Variants in SYNE2 observed in about 807,000 individuals in gnomAD.
The protein encoded by SYNE2 is nesprin-2.
SYNE2 carries 431 observed loss-of-function variants against 856.3 expected under a neutral mutation model. The ratio of observed to expected loss-of-function variants is 0.50; its 90% CI spans 0.47 to 0.55. The LOEUF is 0.55. SYNE2 is among the 20% of genes least tolerant of loss of function. SYNE2 has a pLI of 0.00. For missense variants in SYNE2, 8,129 were observed against 8,023.2 expected (o/e 1.01, Z -0.50); for synonymous variants, 2,923 against 2,872.3 (o/e 1.02, Z -0.56).
chr14:63,819,270 T>C (rs980013185), intron 1 of SYNE2, among the ~76,000 whole-genome samples: 2 of 152,098 alleles, frequency 1.3e-5, no homozygotes, highest in Non-Finnish European at 2.9e-5. Flanking sequence ...TTGCTCTTGT[T>C]GGCCAGGCCA....
chr14:63,951,727 T>G (rs1441321502), intron 7 of SYNE2, among the ~76,000 whole-genome samples: 3 of 152,236 alleles, frequency 2.0e-5, no homozygotes, highest in African/African-American at 7.2e-5. Context: ...CTAGAGATAA[T>G]TTGTACTCCA....
intron 51 of SYNE2, among the ~76,000 whole-genome samples, chr14:64,070,037 C>T (rs879689850): frequency 1.3e-5 from 2 of 152,156 alleles, no homozygotes; most frequent in Admixed American, 1.3e-4. Flanking sequence ...CTTTTTTCTA[C>T]ATCTTAGTTG....
intron 2 of SYNE2, among the ~76,000 whole-genome samples, chr14:63,918,445 C>T (rs1181899995): frequency 6.6e-6 from 1 of 152,182 alleles, no homozygotes; most frequent in Non-Finnish European, 1.5e-5. Flanking sequence ...CCACAGTTTA[C>T]TACCACCAGG....
chr14:63,794,026 G>C (rs1405182345), intron 1 of SYNE2, among the ~76,000 whole-genome samples: 1 of 152,034 alleles, frequency 6.6e-6, no homozygotes. Context: ...TACCAGGGTT[G>C]TTTGTGGAAA....
rs1230466164 is a variant in SYNE2, at chr14:64,208,742, T to A, written c.18202-16T>A. 3 of 1,614,146 alleles carry A rather than the reference T, an allele frequency of 1.9e-6. No individual in the cohort carries two copies. In the Admixed American group the frequency reaches 5.0e-5, roughly 27 times the overall value. On this transcript the variant is annotated splice_polypyrimidine_tract_variant and intron_variant, in intron 100 of 115. Coordinates refer to ENST00000555002, the MANE Select transcript of SYNE2 (RefSeq NM_182914.3). Reference sequence around the variant, plus strand: ...ACCAACATCTCAAGAGGTTTCTTACTCTGTTGTAATCACAGGATCTACAGC... The same window carrying A: ...ACCAACATCTCAAGAGGTTTCTTACACTGTTGTAATCACAGGATCTACAGC...
chr14:64,082,077 C>T (rs2097528568), intron 57 of SYNE2, among the ~76,000 whole-genome samples: 1 of 150,876 alleles, frequency 6.6e-6, no homozygotes, highest in Admixed American at 6.6e-5. Context: ...CAAAGCAAGA[C>T]TCCGTCTCAA....
chr14:64,218,136 A>G (rs947332862), intron 108 of SYNE2: 2 of 435,654 alleles, frequency 4.6e-6, no homozygotes, highest in Non-Finnish European at 8.6e-6. Context: ...ATGCCAATTG[A>G]AACAGACCCT....
chr14:64,037,524 T>A (rs1343648135), intron 45 of SYNE2, among the ~76,000 whole-genome samples: 1 of 152,046 alleles, frequency 6.6e-6, no homozygotes, highest in Non-Finnish European at 1.5e-5. Context: ...GTCTCCCATG[T>A]CTACTTCTTT....
At chr14:64,043,038 G>A (rs991965038) in intron 45 of SYNE2, among the ~76,000 whole-genome samples, 32 of 152,182 alleles carry the variant, frequency 2.1e-4, no homozygotes, top group African/African-American at 7.7e-4. Context: ...CCAGGCTGAG[G>A]TAGTTTCAGA....
intron 1 of SYNE2, among the ~76,000 whole-genome samples, chr14:63,785,424 C>T (rs1387042486): frequency 1.3e-5 from 2 of 152,056 alleles, no homozygotes; most frequent in Non-Finnish European, 2.9e-5. Context: ...TGCCACTGCA[C>T]TCCAGTCTGG....
rs2098386187 is a variant in SYNE2, at chr14:64,167,403, C to G, written c.16760+16C>G. On this transcript the variant is annotated intron_variant, in intron 91 of 115. Coordinates refer to ENST00000555002, the MANE Select transcript of SYNE2 (RefSeq NM_182914.3). ...AGCGCTGCAGGTTAGAACATCCCTT[C>G]TCTGTCGTTGTTTCAATTAAGGTAA... 1 of 1,614,130 alleles carries G rather than the reference C, an allele frequency of 6.2e-7. No homozygotes were observed. The highest frequency in any genetic ancestry group is 1.7e-5 in the Admixed American group (1 of 60,006).
chr14:64,169,583 T>G (rs2098400405), intron 93 of SYNE2, among the ~76,000 whole-genome samples: 1 of 152,214 alleles, frequency 6.6e-6, no homozygotes, highest in African/African-American at 2.4e-5. Context: ...TGGGTATGAT[T>G]TTTCTTCCAC....
At chr14:64,224,246 T>C (rs566461605) in intron 113 of SYNE2, among the ~76,000 whole-genome samples, 3 of 148,446 alleles carry the variant, frequency 2.0e-5, no homozygotes, top group Non-Finnish European at 4.4e-5. Flanking sequence ...TTCCAGCTAC[T>C]CAGGAGGCTG....
chr14:63,874,703 C>A (rs2094675397), intron 1 of SYNE2, among the ~76,000 whole-genome samples: 2 of 151,886 alleles, frequency 1.3e-5, no homozygotes, highest in Admixed American at 6.6e-5. Context: ...AAGTGGGTAA[C>A]CTCAAAGGGA....
Position 64,087,734 on chromosome 14 carries a change from G to C in SYNE2, c.11548G>C (p.Asp3850His), listed in dbSNP as rs1233574993. 4 of 1,614,042 alleles carry C rather than the reference G, an allele frequency of 2.5e-6. No homozygotes were observed. The highest frequency in any genetic ancestry group is 1.6e-4 in the Middle Eastern group (1 of 6,062). ...LLHSIFMDLEDLSIIFETDEL... is the reference protein window; with the variant it reads ...LLHSIFMDLEHLSIIFETDEL... ...ACATTCAATCTTTATGGATCTAGAA[G>C]ACCTGTCAATAATTTTTGAAACAGA... The change falls in exon 58 of 116, where the codon GAC (aspartate) becomes CAC (histidine). Residue 3850 changes from aspartate (D) to histidine (H), a missense_variant. Asp to His is a moderately conservative substitution (Grantham distance 81). Around this residue, in one of 3 missense-constraint regions of SYNE2, gnomAD observed 5,410 missense variants for 5,284.8 expected, o/e 1.02. Transcript: ENST00000555002.
At chr14:63,959,287 CTTTTTT>C (rs34198434) in intron 8 of SYNE2, among the ~76,000 whole-genome samples, 4 of 81,382 alleles carry the variant, frequency 4.9e-5, no homozygotes, top group Non-Finnish European at 7.0e-5. Flanking sequence ...TTTTCTTCTT[CTTTTTT>C]TTTTTTTTTT....
At chr14:64,131,233 ACGT>A (rs79301804) in intron 76 of SYNE2, among the ~76,000 whole-genome samples, 3,408 of 152,302 alleles carry the variant, frequency 0.022, 44 homozygotes, top group African/African-American at 0.037. Context: ...GCTTTTATAA[ACGT>A]CTCTATGTAT....
At chr14:64,172,057 G>T (rs539203646) in intron 94 of SYNE2, among the ~76,000 whole-genome samples, 1 of 152,178 alleles carries the variant, frequency 6.6e-6, no homozygotes, top group Non-Finnish European at 1.5e-5. Flanking sequence ...CACCCTGTTG[G>T]CCAGGCTGGT....
chr14:64,047,920 G>T, intron 45 of SYNE2, 80 bp from the exon 46 acceptor site: 1 of 1,461,136 alleles, frequency 6.8e-7, no homozygotes, highest in East Asian at 2.3e-5. Context: ...GAAGAAACTG[G>T]AATGTTTTCA....
Sources: gnomAD v4.1 joint callset for allele counts (sites outside exome capture counted in the v4.1 genomes callset) on GRCh38, gnomAD v4.1.1 for gene constraint, gnomAD v4.1.1 regional missense constraint, MANE v1.5 for transcripts, NCBI Gene and HGNC (gene_info 2026-07-23, HGNC 2026-07-21) for gene names.